FILIP1: variants seen among roughly 807,000 people sequenced by gnomAD.
FILIP1 encodes filamin-A-interacting protein 1.
Under a neutral mutation model 102.1 loss-of-function variants are expected in FILIP1, and 61 were observed. That is an observed-to-expected ratio of 0.60 (90% CI 0.49 to 0.74). FILIP1 has a LOEUF of 0.74. Among genes scored for constraint, FILIP1 ranks in the 30% least tolerant of loss-of-function variants. The pLI is 0.00. For synonymous variants in FILIP1, 491 were observed against 526.9 expected, an observed-to-expected ratio of 0.93 and a Z score of 0.93; for missense variants, 1,314 against 1,441.2, an observed-to-expected ratio of 0.91 and a Z score of 1.43.
At chr6:75,298,430 G>A (rs569912603) in intron 6 of FILIP1, among the ~76,000 whole-genome samples, 2 of 152,182 alleles carry the variant, frequency 1.3e-5, no homozygotes, top group East Asian at 3.9e-4. Context: ...TGTTTTATAT[G>A]GAGACCAACT....
At chr6:75,481,574 TATCC>T (rs2149778939) in intron 1 of FILIP1, among the ~76,000 whole-genome samples, 2 of 152,182 alleles carry the variant, frequency 1.3e-5, no homozygotes, top group Admixed American at 1.3e-4. Flanking sequence ...AGGCATCCTC[TATCC>T]GCCTGCCAGA....
At chr6:75,487,800 T>C (rs992410808) in intron 1 of FILIP1, among the ~76,000 whole-genome samples, 1 of 152,104 alleles carries the variant, frequency 6.6e-6, no homozygotes, top group Non-Finnish European at 1.5e-5. Flanking sequence ...TTCATTTCTT[T>C]AAATTAACTT....
At chr6:75,364,466 C>T (rs1004720321) in intron 2 of FILIP1, among the ~76,000 whole-genome samples, 3 of 152,238 alleles carry the variant, frequency 2.0e-5, no homozygotes, top group African/African-American at 7.2e-5. Context: ...CAAGGCATAA[C>T]TCCCAATCTG....
At chr6:75,419,766 C>T (rs1403216836) in intron 1 of FILIP1, among the ~76,000 whole-genome samples, 1 of 152,200 alleles carries the variant, frequency 6.6e-6, no homozygotes, top group East Asian at 1.9e-4. Context: ...CCTATCAATG[C>T]CAGATTACTT....
chr6:75,356,641 G>T (rs113574280), intron 3 of FILIP1, among the ~76,000 whole-genome samples: 1 of 152,002 alleles, frequency 6.6e-6, no homozygotes, highest in African/African-American at 2.4e-5. Flanking sequence ...GCTAGTTTTT[G>T]TATTTTTAGT....
At chr6:75,480,259 T>A (rs1779611200) in intron 1 of FILIP1, among the ~76,000 whole-genome samples, 2 of 152,336 alleles carry the variant, frequency 1.3e-5, no homozygotes, top group South Asian at 4.1e-4. Context: ...TTTTTTATAA[T>A]ACTACATTTT....
intron 1 of FILIP1, among the ~76,000 whole-genome samples, chr6:75,423,417 G>C (rs369541449): frequency 6.6e-5 from 10 of 152,162 alleles, no homozygotes; most frequent in East Asian, 5.8e-4. Flanking sequence ...GTGAAGGCCA[G>C]CTCAGTGGTT....
intron 1 of FILIP1, among the ~76,000 whole-genome samples, chr6:75,422,421 G>A (rs1202478277): frequency 6.6e-6 from 1 of 152,066 alleles, no homozygotes; most frequent in East Asian, 1.9e-4. Flanking sequence ...GAAGAAAAGG[G>A]AATGTCACCA....
At chr6:75,377,302 CAA>C (rs1775779537) in intron 2 of FILIP1, among the ~76,000 whole-genome samples, 2 of 152,152 alleles carry the variant, frequency 1.3e-5, no homozygotes, top group Non-Finnish European at 2.9e-5. Flanking sequence ...TTTTCATGGG[CAA>C]TATTTGGCCT....
intron 4 of FILIP1, among the ~76,000 whole-genome samples, chr6:75,322,168 C>T (rs73751817): frequency 0.026 from 3,994 of 152,230 alleles, 188 homozygotes; most frequent in African/African-American, 0.091. Flanking sequence ...AGAAATATAG[C>T]ATGTATCTAT....
chr6:75,466,626 G>A (rs1237241117), intron 1 of FILIP1, among the ~76,000 whole-genome samples: 1 of 152,194 alleles, frequency 6.6e-6, no homozygotes, highest in Non-Finnish European at 1.5e-5. Context: ...TACATTTAAT[G>A]TAGTAATCTA....
intron 1 of FILIP1, among the ~76,000 whole-genome samples, chr6:75,468,563 T>C (rs368077333): frequency 6.6e-6 from 1 of 152,196 alleles, no homozygotes; most frequent in African/African-American, 2.4e-5. Context: ...AATCCAAACA[T>C]TTCTTGCAGA....
chr6:75,480,871 C>T (rs576916212), intron 1 of FILIP1, among the ~76,000 whole-genome samples: 1 of 152,262 alleles, frequency 6.6e-6, no homozygotes, highest in African/African-American at 2.4e-5. Flanking sequence ...ATAGCAGACC[C>T]TCTTCATTAC....
chr6:75,309,261 T>A (rs1265258109), intron 5 of FILIP1, among the ~76,000 whole-genome samples: 1 of 152,114 alleles, frequency 6.6e-6, no homozygotes, highest in Non-Finnish European at 1.5e-5. Context: ...CTACACTCCC[T>A]CCTTTCTTCC....
intron 2 of FILIP1, among the ~76,000 whole-genome samples, chr6:75,397,569 C>T (rs1201798388): frequency 3.3e-4 from 26 of 78,736 alleles, no homozygotes; most frequent in African/African-American, 1.9e-3. Flanking sequence ...CACACACACA[C>T]ACACACACAC....
intron 1 of FILIP1, among the ~76,000 whole-genome samples, chr6:75,492,598 A>G (rs181945879): frequency 1.1e-3 from 169 of 152,274 alleles, no homozygotes; most frequent in African/African-American, 3.9e-3. Flanking sequence ...ATGGCAACTC[A>G]TGGAAGGGGA....
chr6:75,292,205 A>G (rs1400312299), exon 7 of FILIP1: 1 of 152,268 alleles, frequency 6.6e-6, no homozygotes, highest in Admixed American at 6.5e-5. Context: ...GAAAACACTT[A>G]GACCTAAAAG....
chr6:75,447,350 G>T (rs1025663545), intron 1 of FILIP1, among the ~76,000 whole-genome samples: 2 of 152,050 alleles, frequency 1.3e-5, no homozygotes, highest in African/African-American at 4.8e-5. Context: ...CATTTTCAAT[G>T]AAATCGCTAG....
intron 4 of FILIP1, among the ~76,000 whole-genome samples, chr6:75,316,301 G>A (rs2149554350): frequency 6.6e-6 from 1 of 152,164 alleles, no homozygotes. Context: ...TAATTAATAG[G>A]TTTATAAGGG....
Sources: gnomAD v4.1 joint callset for allele counts (sites outside exome capture counted in the v4.1 genomes callset) on GRCh38, gnomAD v4.1.1 for gene constraint, MANE v1.5 for transcripts, NCBI Gene and HGNC (gene_info 2026-07-23, HGNC 2026-07-21) for gene names.